Variants in LRRC18 observed in about 807,000 individuals in gnomAD.
LRRC18 encodes leucine-rich repeat-containing protein 18.
LRRC18 carries 12 observed loss-of-function variants against 11.2 expected under a neutral mutation model. The observed-to-expected ratio is 1.07, with a 90% CI of 0.69 to 1.74. The LOEUF (loss-of-function observed/expected upper bound fraction) is 1.74, where lower values mean the gene tolerates loss of function less well. Ranked by LOEUF, LRRC18 falls within the 40% of genes most tolerant of loss-of-function variation. LRRC18 has a pLI of 0.00. For missense variants in LRRC18, 374 were observed against 330.5 expected (o/e 1.13, Z -1.02); for synonymous variants, 155 against 130.6 (o/e 1.19, Z -1.27).
chr10:48,912,065 C>T (rs55645343), intron 1 of LRRC18, among the ~76,000 whole-genome samples: 1 of 152,154 alleles, frequency 6.6e-6, no homozygotes, highest in African/African-American at 2.4e-5. Flanking sequence ...GGGAAAAAAG[C>T]CTCCCTCAAG....
intron 1 of LRRC18, chr10:48,910,915 T>C (rs1837939360): frequency 1.2e-5 from 12 of 985,218 alleles, no homozygotes; most frequent in Non-Finnish European, 1.4e-5. Context: ...TTCTCTTAAC[T>C]TCTCTCCTTT....
chr10:48,911,532 A>C (rs1838004191), intron 1 of LRRC18, among the ~76,000 whole-genome samples: 1 of 152,236 alleles, frequency 6.6e-6, no homozygotes, highest in Admixed American at 6.5e-5. Context: ...AAGGTACAAC[A>C]GTAACTTATA....
chr10:48,920,818 T>C, the LRRC18 span, among the ~76,000 whole-genome samples: 1 of 152,226 alleles, frequency 6.6e-6, no homozygotes, highest in Non-Finnish European at 1.5e-5. Context: ...GGCCATAGGA[T>C]ACAAGGTTAG....
chr10:48,910,187 G>T, exon 2 of LRRC18: 1 of 1,460,662 alleles, frequency 6.8e-7, no homozygotes, highest in Non-Finnish European at 9.6e-7. Flanking sequence ...CCTCTTCAGA[G>T]TCGTTTATTC....
At chr10:48,927,375 G>T in the LRRC18 span, among the ~76,000 whole-genome samples, 9 of 152,266 alleles carry the variant, frequency 5.9e-5, no homozygotes, top group African/African-American at 2.2e-4. Context: ...TGTGGGTGGT[G>T]GGGGGAGGGG....
At chr10:48,910,078 T>C in exon 2 of LRRC18, 1 of 661,164 alleles carries the variant, frequency 1.5e-6, no homozygotes, top group Non-Finnish European at 2.8e-6. Flanking sequence ...GGAGGTGAAG[T>C]GAATTTGAGA....
the LRRC18 span, among the ~76,000 whole-genome samples, chr10:48,937,516 C>T: frequency 0.012 from 1,800 of 152,272 alleles, 43 homozygotes; most frequent in African/African-American, 0.041. Flanking sequence ...CTGGCCTGTA[C>T]ACCACCTCCT....
intron 1 of LRRC18, 37 bp from the exon 4 acceptor site, chr10:48,910,295 C>G (rs1439926710): frequency 6.2e-7 from 1 of 1,604,844 alleles, no homozygotes; most frequent in Non-Finnish European, 8.5e-7. Flanking sequence ...GGCAATTGCT[C>G]CAGGCCACAG....
exon 2 of LRRC18, chr10:48,909,589 T>C (rs953160074): frequency 6.6e-6 from 1 of 152,026 alleles, no homozygotes; most frequent in African/African-American, 2.4e-5. Flanking sequence ...CCACTCATGG[T>C]GGAAGGTGAA....
the LRRC18 span, among the ~76,000 whole-genome samples, chr10:48,933,604 C>G: frequency 1.3e-5 from 2 of 152,302 alleles, no homozygotes; most frequent in South Asian, 4.1e-4. Context: ...ATAGCTCATC[C>G]CTCCCTGAAA....
the LRRC18 span, among the ~76,000 whole-genome samples, chr10:48,919,744 G>A: frequency 6.6e-6 from 1 of 152,128 alleles, no homozygotes; most frequent in African/African-American, 2.4e-5. Context: ...ATTTCCTCAT[G>A]ATCTAAATGC....
chr10:48,936,034 A>G, the LRRC18 span, among the ~76,000 whole-genome samples: 1 of 152,194 alleles, frequency 6.6e-6, no homozygotes. Flanking sequence ...ATATGCAGAA[A>G]TAAGAAATTG....
chr10:48,914,242 G>T (rs1838290637), upstream of LRRC18: 33 of 1,427,500 alleles, frequency 2.3e-5, no homozygotes, highest in East Asian at 7.3e-4. Flanking sequence ...ACTGCTGAAA[G>T]ATAAGAAAAC....
At chr10:48,923,496 G>GTATTTATATATA in the LRRC18 span, among the ~76,000 whole-genome samples, 2 of 63,210 alleles carry the variant, frequency 3.2e-5, no homozygotes, top group Non-Finnish European at 4.2e-5. Flanking sequence ...ATAGTTTTTA[G>GTATTTATATATA]TATATATATA....
the LRRC18 span, among the ~76,000 whole-genome samples, chr10:48,926,816 G>A: frequency 6.6e-6 from 1 of 152,204 alleles, no homozygotes; most frequent in Non-Finnish European, 1.5e-5. Context: ...CACACATAAT[G>A]CCACGAGCCA....
At chr10:48,915,417 A>AT (rs11413657), upstream of LRRC18, among the ~76,000 whole-genome samples, 84,734 of 147,694 alleles carry the variant, frequency 0.57, 24,712 homozygotes, top group Non-Finnish European at 0.66. Context: ...CTGCTTGCTG[A>AT]TTTTTTTTTT....
At chr10:48,931,494 G>A in the LRRC18 span, among the ~76,000 whole-genome samples, 1 of 152,198 alleles carries the variant, frequency 6.6e-6, no homozygotes, top group Non-Finnish European at 1.5e-5. Context: ...CCTGTTGTGA[G>A]AGGGTGGCCC....
chr10:48,913,789 T>C, exon 1 of LRRC18: 2 of 1,613,958 alleles, frequency 1.2e-6, no homozygotes, highest in Non-Finnish European at 8.5e-7. Flanking sequence ...ACAGCGCGGA[T>C]GTTCTTGAGT....
the LRRC18 span, among the ~76,000 whole-genome samples, chr10:48,925,580 C>T: frequency 6.6e-6 from 1 of 152,158 alleles, no homozygotes; most frequent in Admixed American, 6.5e-5. Context: ...CCACTAACTG[C>T]CCCAATGTGA....
Sources: gnomAD v4.1 joint callset for allele counts (sites outside exome capture counted in the v4.1 genomes callset) on GRCh38, gnomAD v4.1.1 for gene constraint, MANE v1.5 for transcripts, NCBI Gene and HGNC (gene_info 2026-07-23, HGNC 2026-07-21) for gene names.